The following DYRK1A variants were observed in gnomAD, a reference collection of about 807,000 sequenced individuals.
DYRK1A encodes dual specificity tyrosine phosphorylation regulated kinase 1A.
In DYRK1A, 9 loss-of-function variants were observed where a neutral mutation model predicts 79.7. The observed-to-expected ratio is 0.11, with a 90% confidence interval of 0.07 to 0.20. The LOEUF (loss-of-function observed/expected upper bound fraction) is 0.20. Among genes scored for constraint, DYRK1A ranks in the 10% least tolerant of loss-of-function variants. The pLI is 1.00. For missense variants in DYRK1A, 622 were observed against 956.0 expected (o/e 0.65, Z 4.61); for synonymous variants, 349 against 329.7 (o/e 1.06, Z -0.63).
At position 37,506,139 on chromosome 21, in the gene DYRK1A, G is replaced by A. The variant is rs778482688; in HGVS notation, c.1560G>A (p.Ser520=). The A allele has an allele frequency of 8.1e-6, 13 of 1,613,774 alleles. No homozygotes were observed. Among genetic ancestry groups the A allele is most frequent in the Admixed American group, 6.7e-5 (4 of 60,002 alleles). The change falls in exon 11 of 12, where the codon TCG becomes TCA. Residue 520 remains serine, a synonymous_variant. Transcript: ENST00000647188. ...CAAGCAACAGTGGGAGAGCCCGGTC[G>A]GATCCGACGCACCAGCATCGGCACA... ...SGTSNSGRAR[S]DPTHQHRHSG... is the part of the protein sequence containing the mutation.
chr21:37,483,362 A>C (rs2052726639), intron 5 of DYRK1A, among the ~76,000 whole-genome samples: 1 of 152,206 alleles, frequency 6.6e-6, no homozygotes, highest in African/African-American at 2.4e-5. Flanking sequence ...TAAATCCAGA[A>C]AAATAAACGT....
chr21:37,386,768 T>TC lies in DYRK1A; in HGVS notation c.-77+19145dup, dbSNP rs141878527. The stretch of plus-strand genomic sequence containing the variant: ...CTTCAGGGCCCCAGGTTTTCTCATT[T>TC]CCCCCTTTAGTCACTGGCAGGCTCT... On this transcript the variant is annotated intron_variant, in intron 1 of 11. Coordinates refer to ENST00000647188, the MANE Select transcript of DYRK1A (RefSeq NM_001347721.2). Among the ~76,000 whole-genome samples, 1,380 of 152,186 alleles carry TC rather than the reference T, an allele frequency of 9.1e-3. 19 individuals carry two copies. Among genetic ancestry groups the TC allele is most frequent in the African/African-American group, 0.032 (1,324 of 41,488 alleles).
At chr21:37,412,891 G>T (rs563673387) in intron 1 of DYRK1A, among the ~76,000 whole-genome samples, 57 of 152,288 alleles carry the variant, frequency 3.7e-4, no homozygotes, top group Non-Finnish European at 6.8e-4. Context: ...TGAGTGAAAA[G>T]TTTGAGTGGA....
intron 1 of DYRK1A, among the ~76,000 whole-genome samples, chr21:37,377,723 C>T (rs1157736357): frequency 6.6e-6 from 1 of 152,208 alleles, no homozygotes; most frequent in African/African-American, 2.4e-5. Context: ...CTGTCTTGTC[C>T]TCTCACAGTG....
chr21:37,391,317 T>A (rs1209332517), intron 1 of DYRK1A, among the ~76,000 whole-genome samples: 1 of 151,454 alleles, frequency 6.6e-6, no homozygotes, highest in African/African-American at 2.4e-5. Flanking sequence ...TTCCTTGGCA[T>A]CTTCAACTGT....
In DYRK1A at chr21:37,512,415, A is replaced by T; in HGVS notation, c.2149A>T (p.Thr717Ser). Residue 717 changes from threonine to serine, a missense_variant, in exon 12 of 12, where the codon ACA becomes TCA. Thr to Ser is a moderately conservative substitution (Grantham distance 58, BLOSUM62 1). This residue lies in a region of DYRK1A where 292 missense variants were observed against 316.7 expected (regional missense o/e 0.92). Transcript: ENST00000647188. ...GHPTYQFSAN[T>S]GPAHYMTEGH... ...TCCAACATACCAATTTTCTGCTAAT[A>T]CAGGTCCTGCACATTACATGACTGA... is the stretch of plus-strand genomic sequence containing the variant. 1 of 1,614,236 alleles carries T rather than the reference A, an allele frequency of 6.2e-7. No individual in the cohort carries two copies.
At position 37,426,074 on chromosome 21, in the gene DYRK1A, T is replaced by C. The variant is rs115905558; in HGVS notation, c.10+5690T>C. 7.0e-3 allele frequency among the ~76,000 whole-genome samples: 1,066 copies of C among 152,242 alleles called. 12 individuals are homozygous for C. The highest frequency in any genetic ancestry group is 0.025 in the African/African-American group (1,023 of 41,532). ...TAAGCTCCATTCCCAGTCAAAGCCC[T>C]ACACCAAGGAGACACTGCTGGGGAT... is the stretch of plus-strand genomic sequence containing the variant. On this transcript the variant is annotated intron_variant, in intron 2 of 11. Transcript: ENST00000647188.
At chr21:37,499,562 A>C (rs1008633158) in intron 9 of DYRK1A, among the ~76,000 whole-genome samples, 1 of 152,184 alleles carries the variant, frequency 6.6e-6, no homozygotes, top group East Asian at 1.9e-4. Flanking sequence ...AAGATGGGTT[A>C]TCTCTCCATT....
chr21:37,402,420 AATG>A (rs1488036293), intron 1 of DYRK1A, among the ~76,000 whole-genome samples: 3 of 152,130 alleles, frequency 2.0e-5, no homozygotes, highest in Non-Finnish European at 4.4e-5. Context: ...TTAGCACTTT[AATG>A]GTGTTCCATT....
chr21:37,377,192 T>C (rs1000017060), intron 1 of DYRK1A, among the ~76,000 whole-genome samples: 3 of 152,174 alleles, frequency 2.0e-5, no homozygotes, highest in African/African-American at 7.2e-5. Flanking sequence ...CAATCTCGGC[T>C]CACTGCAAGC....
chr21:37,449,414 A>G (rs1767863736), intron 2 of DYRK1A, among the ~76,000 whole-genome samples: 1 of 152,182 alleles, frequency 6.6e-6, no homozygotes, highest in South Asian at 2.1e-4. Flanking sequence ...TTTAAATTTA[A>G]TAGTGTCCAA....
chr21:37,506,902 A>G (rs1464520388), intron 11 of DYRK1A, among the ~76,000 whole-genome samples: 5 of 151,964 alleles, frequency 3.3e-5, no homozygotes, highest in Non-Finnish European at 7.3e-5. Context: ...CATTCTTGTG[A>G]CTAGGGCAGC....
rs775385011 is a variant in DYRK1A at position 37,478,335 on chromosome 21, G to GC, written c.300+36dup. On this transcript the variant is annotated intron_variant, in intron 4 of 11. Transcript: ENST00000647188. ...GATTTGTTATAATAACATCTATCTT[G>GC]CAGTATGTCATTGAGAAAAAAAGTG... The GC allele has an allele frequency of 1.9e-6, 3 of 1,594,356 alleles. No individual in the cohort carries two copies. In the South Asian group the frequency reaches 3.4e-5, roughly 18 times the overall value.
At chr21:37,462,246 G>A (rs757802565) in intron 2 of DYRK1A, among the ~76,000 whole-genome samples, 1 of 152,120 alleles carries the variant, frequency 6.6e-6, no homozygotes, top group Non-Finnish European at 1.5e-5. Flanking sequence ...TGGGGATGAG[G>A]AATGCTGGCC....
At chr21:37,420,482 AGTG>A in intron 2 of DYRK1A, 98 bp downstream of exon 2, 1 of 1,251,416 alleles carries the variant, frequency 8.0e-7, no homozygotes, top group African/African-American at 1.5e-5. Flanking sequence ...AATAGCAGTT[AGTG>A]GGGGGAATTG....
chr21:37,444,253 A>G (rs1405692425), intron 2 of DYRK1A, among the ~76,000 whole-genome samples: 8 of 152,190 alleles, frequency 5.3e-5, no homozygotes, highest in Non-Finnish European at 1.0e-4. Context: ...TCCCAGTACC[A>G]CCTGTAGTAC....
chr21:37,391,602 A>G (rs2049871312), intron 1 of DYRK1A, among the ~76,000 whole-genome samples: 1 of 152,122 alleles, frequency 6.6e-6, no homozygotes, highest in Non-Finnish European at 1.5e-5. Flanking sequence ...GTCCTCCTTA[A>G]CCCCTTGTTT....
In DYRK1A at chr21:37,367,756, C is replaced by A. The variant is rs1418420804; in HGVS notation, c.-77+128C>A. On this transcript the variant is annotated intron_variant, in intron 1 of 11. Transcript: ENST00000647188. ...CCTGCCATTTTAGGAGGAGGCGCCG[C>A]GGGCCCAGGGCCGGCCGCCGGGGGA... 3 of 147,228 alleles carry A rather than the reference C, an allele frequency of 2.0e-5. No individual in the cohort carries two copies. In the East Asian group the frequency reaches 6.6e-4, roughly 33 times the overall value. The allele number at this position is 147,228 out of a possible 1,614,324, so 9.1% of individuals were successfully genotyped here.
chr21:37,498,690 C>T (rs542922754), intron 9 of DYRK1A, among the ~76,000 whole-genome samples: 3 of 152,286 alleles, frequency 2.0e-5, no homozygotes, highest in South Asian at 4.1e-4. Context: ...TCTGACAGCA[C>T]AGTCTAAGAG....
Sources: allele counts gnomAD v4.1 joint callset (sites outside exome capture counted in the v4.1 genomes callset), GRCh38; gene constraint gnomAD v4.1.1; regional missense constraint gnomAD v4.1.1; transcripts MANE v1.5; gene names NCBI Gene and HGNC (gene_info 2026-07-23, HGNC 2026-07-21).